MRRF: variants seen among roughly 807,000 people sequenced by gnomAD.
MRRF encodes the protein mitochondrial ribosome recycling factor, also known as ribosome-recycling factor, mitochondrial.
MRRF carries 18 observed loss-of-function variants against 25.1 expected under a neutral mutation model. The ratio of observed to expected loss-of-function variants is 0.72; its 90% CI spans 0.50 to 1.06. The LOEUF is 1.06. Ranked by LOEUF, MRRF falls within the 50% of genes least tolerant of loss-of-function variation. The pLI is 0.00. For synonymous variants in MRRF, 113 were observed against 112.1 expected (o/e 1.01, Z -0.05); for missense variants, 323 against 319.3 (o/e 1.01, Z -0.09).
chr9:122,283,544 C>T (rs1833207992), intron 3 of MRRF, among the ~76,000 whole-genome samples: 1 of 152,166 alleles, frequency 6.6e-6, no homozygotes, highest in Non-Finnish European at 1.5e-5. Flanking sequence ...AGACTTTTAC[C>T]ATTATACCTC....
intron 2 of MRRF, among the ~76,000 whole-genome samples, chr9:122,273,062 C>A (rs549145538): frequency 3.3e-5 from 5 of 152,204 alleles, no homozygotes; most frequent in African/African-American, 1.2e-4. Context: ...TGGTACAGAT[C>A]TTTCCCCTCA....
At chr9:122,308,375 C>T (rs1588072519) in intron 5 of MRRF, among the ~76,000 whole-genome samples, 1 of 148,180 alleles carries the variant, frequency 6.7e-6, no homozygotes, top group Non-Finnish European at 1.5e-5. Context: ...TTAAAATGTA[C>T]TGTTTTAGTC....
chr9:122,305,219 T>C (rs1218349952), intron 5 of MRRF, among the ~76,000 whole-genome samples: 1 of 152,018 alleles, frequency 6.6e-6, no homozygotes, highest in African/African-American at 2.4e-5. Flanking sequence ...GAGACCAGCC[T>C]GGCCAACATA....
intron 1 of MRRF, among the ~76,000 whole-genome samples, chr9:122,265,141 AGGAATTTAG>A (rs900731592): frequency 6.6e-6 from 1 of 152,120 alleles, no homozygotes; most frequent in African/African-American, 2.4e-5. Context: ...TTTACCAGCT[AGGAATTTAG>A]GGGATGCTGG....
At chr9:122,286,237 C>T in intron 4 of MRRF, 1 of 1,270,916 alleles carries the variant, frequency 7.9e-7, no homozygotes, top group Non-Finnish European at 1.0e-6. Flanking sequence ...CAAGGTTGGA[C>T]CTGTTGTATT....
intron 4 of MRRF, among the ~76,000 whole-genome samples, chr9:122,289,725 C>T (rs1382612899): frequency 6.6e-6 from 1 of 151,734 alleles, no homozygotes; most frequent in East Asian, 1.9e-4. Flanking sequence ...TTAAATTTGG[C>T]TATTTAAGAA....
rs529724213 is a variant in MRRF, at chr9:122,304,815, C to G, written c.552-8412C>G. On this transcript the variant is annotated intron_variant, in intron 5 of 6. Transcript: ENST00000344641. ...AGTTGCTAGATTTGTCTAGCACCAA[C>G]AAGAGAGGAAATAGAGCAGAAGGCC... 1.3e-4 allele frequency among the ~76,000 whole-genome samples: 20 copies of G among 152,256 alleles called. 1 individual carries two copies. Among genetic ancestry groups the G allele is most frequent in the African/African-American group, 4.8e-4 (20 of 41,548 alleles).
intron 6 of MRRF, among the ~76,000 whole-genome samples, chr9:122,317,050 G>A (rs1274789051): frequency 6.8e-6 from 1 of 147,854 alleles, no homozygotes; most frequent in Non-Finnish European, 1.5e-5. Context: ...AAACTTCTTT[G>A]TTATAAGGTT....
At chr9:122,307,151 A>G (rs138485339) in intron 5 of MRRF, among the ~76,000 whole-genome samples, 2 of 152,320 alleles carry the variant, frequency 1.3e-5, no homozygotes, top group Non-Finnish European at 2.9e-5. Context: ...GGCAGCCCCA[A>G]GGCATGGGGC....
At chr9:122,295,006 A>C (rs1003967940) in intron 5 of MRRF, among the ~76,000 whole-genome samples, 1 of 152,336 alleles carries the variant, frequency 6.6e-6, no homozygotes, top group Admixed American at 6.5e-5. Flanking sequence ...GCAGAAAAGT[A>C]TAATGGTTAA....
At chr9:122,300,964 G>A (rs1432978797) in intron 5 of MRRF, among the ~76,000 whole-genome samples, 5 of 152,154 alleles carry the variant, frequency 3.3e-5, no homozygotes, top group Admixed American at 3.3e-4. Context: ...AAGAAGCCTT[G>A]GCTGTCCTTG....
chr9:122,314,373 T>A (rs568656776), intron 6 of MRRF, among the ~76,000 whole-genome samples: 1 of 152,356 alleles, frequency 6.6e-6, no homozygotes, highest in East Asian at 1.9e-4. Flanking sequence ...TTTAAACACC[T>A]GCTCTTGTCA....
At position 122,323,505 on chromosome 9, in the gene MRRF, A is replaced by G. The variant is rs1265972932; in HGVS notation, c.*888A>G. The G allele has an allele frequency of 2.0e-5, 3 of 152,248 alleles. No individual in the cohort carries two copies. Among genetic ancestry groups the G allele is most frequent in the African/African-American group, 2.4e-5 (1 of 41,478 alleles). The allele number at this position is 152,248 out of a possible 1,614,324, so 9.4% of individuals were successfully genotyped here. On this transcript the variant is annotated 3_prime_UTR_variant, in exon 7 of 7. Coordinates refer to ENST00000344641, the MANE Select transcript of MRRF (RefSeq NM_138777.5). Reference sequence around the variant, plus strand: ...TTTCTAGTCTTAACACTCCCTTTCTATCATTTTCCACTCTTGTACTTGTTC... The same window carrying G: ...TTTCTAGTCTTAACACTCCCTTTCTGTCATTTTCCACTCTTGTACTTGTTC...
Position 122,327,811 on chromosome 9 carries a change from C to T in MRRF, c.*5194C>T, listed in dbSNP as rs898165382. On this transcript the variant is annotated 3_prime_UTR_variant, in exon 7 of 7. Transcript: ENST00000344641. Reference sequence around the variant, plus strand: ...ACAGCTCTTGCTTGCTTTTTGTTTACATTTGCTTTCCCCATTTCTTGATTT... The same window carrying T: ...ACAGCTCTTGCTTGCTTTTTGTTTATATTTGCTTTCCCCATTTCTTGATTT... 6.6e-6 allele frequency: 1 copy of T among 150,564 alleles called. No homozygotes were observed. The highest frequency in any genetic ancestry group is 2.4e-5 in the African/African-American group (1 of 41,166). 9.3% of individuals were successfully genotyped at this position (150,564 alleles called of 1,614,324 possible). A position where few individuals can be genotyped will look rare whatever the true frequency, so the allele number is the denominator to read the frequency against.
At chr9:122,300,117 T>C (rs1834357782) in intron 5 of MRRF, among the ~76,000 whole-genome samples, 6 of 152,158 alleles carry the variant, frequency 3.9e-5, no homozygotes. Context: ...GCAGCCAGGC[T>C]GATGGGGCGT....
intron 5 of MRRF, among the ~76,000 whole-genome samples, chr9:122,303,094 C>T (rs188810125): frequency 1.3e-5 from 2 of 152,172 alleles, no homozygotes; most frequent in East Asian, 3.9e-4. Flanking sequence ...GGATATTAGA[C>T]TCTTATCAGA....
intron 5 of MRRF, among the ~76,000 whole-genome samples, chr9:122,307,529 C>T (rs368595974): frequency 2.0e-5 from 3 of 152,218 alleles, no homozygotes; most frequent in African/African-American, 7.2e-5. Flanking sequence ...GAGAGAAGTC[C>T]TGGAGATTCT....
intron 5 of MRRF, among the ~76,000 whole-genome samples, chr9:122,305,048 C>T (rs1448863853): frequency 1.3e-5 from 2 of 152,002 alleles, no homozygotes; most frequent in Non-Finnish European, 2.9e-5. Flanking sequence ...GCTCAAGGAT[C>T]TTCCGGCCTC....
chr9:122,298,978 C>G (rs964071917), intron 5 of MRRF, among the ~76,000 whole-genome samples: 3 of 152,032 alleles, frequency 2.0e-5, no homozygotes, highest in African/African-American at 7.2e-5. Flanking sequence ...ATGCCTATAT[C>G]CAGCACTGAG....
Sources: allele counts gnomAD v4.1 joint callset (sites outside exome capture counted in the v4.1 genomes callset), GRCh38; gene constraint gnomAD v4.1.1; transcripts MANE v1.5; gene names NCBI Gene and HGNC (gene_info 2026-07-23, HGNC 2026-07-21).